Variants in TP73 observed in about 807,000 individuals in gnomAD.
TP73 encodes the protein p53-like transcription factor.
TP73 carries 25 observed loss-of-function variants against 62.5 expected under a neutral mutation model. The observed-to-expected ratio is 0.40, with a 90% CI of 0.29 to 0.56. The LOEUF is 0.56. Ranked by LOEUF, TP73 falls within the 20% of genes least tolerant of loss-of-function variation. The pLI, the probability that TP73 is intolerant of heterozygous loss-of-function variation, is 0.46. For missense variants in TP73, 754 were observed against 913.3 expected (o/e 0.83, Z 2.25); for synonymous variants, 423 against 377.5 (o/e 1.12, Z -1.40).
Position 3,733,609 on chromosome 1 carries a change from CG to C in TP73, c.*535del, listed in dbSNP as rs1355587214. The C allele has an allele frequency of 2.5e-5, 4 of 159,164 alleles. No individual in the cohort carries two copies. Among genetic ancestry groups the C allele is most frequent in the Non-Finnish European group, 5.6e-5 (4 of 70,896 alleles). The allele number at this position is 159,164 out of a possible 1,614,324, so 9.9% of individuals were successfully genotyped here. ...GTCCCTAACTGCGTCTTGCCCGCGC[CG>C]GGGGCTGGGGACTCTCTCTGCTGGA... On this transcript the variant is annotated 3_prime_UTR_variant, in exon 14 of 14. Coordinates refer to ENST00000378295, the MANE Select transcript of TP73 (RefSeq NM_005427.4).
In TP73 at chr1:3,696,798, G is replaced by T. The variant is rs1258674067; in HGVS notation, c.187-10751G>T. ...TGGGGCTCAAGCCATGTGGGGCCAG[G>T]GGAGGGACCAGTTGTCCTAACTGGA... On this transcript the variant is annotated intron_variant, in intron 3 of 13. Coordinates refer to ENST00000378295, the MANE Select transcript of TP73 (RefSeq NM_005427.4). This position sits in a 1 kb window ranked among gnomAD's most constrained non-coding sequence, Gnocchi z 4.1. Among the ~76,000 whole-genome samples the T allele has an allele frequency of 6.6e-6, 1 of 152,138 alleles. No homozygotes were observed. The highest frequency in any genetic ancestry group is 1.5e-5 in the Non-Finnish European group (1 of 68,016).
chr1:3,659,664 A>T (rs1484889824), intron 1 of TP73, among the ~76,000 whole-genome samples: 1 of 152,112 alleles, frequency 6.6e-6, no homozygotes, highest in Non-Finnish European at 1.5e-5. Context: ...ACTAAAAATA[A>T]TCTCAGTAAG....
chr1:3,727,586 G>A, intron 7 of TP73, 42 bp from the exon 8 acceptor site: 1 of 1,574,172 alleles, frequency 6.4e-7, no homozygotes. Flanking sequence ...GTTGAGGGTG[G>A]GCAGGGTTGA....
At position 3,704,130 on chromosome 1, in the gene TP73, G is replaced by A. The variant is rs139990394; in HGVS notation, c.187-3419G>A. On this transcript the variant is annotated intron_variant, in intron 3 of 13. Coordinates refer to ENST00000378295, the MANE Select transcript of TP73 (RefSeq NM_005427.4). ...TTCAGCGAGCCTTTCAAGCAGCCAC[G>A]CTGTAATAGGAGCACGGACTGAGGG... Among the ~76,000 whole-genome samples, 349 of 152,356 alleles carry A rather than the reference G, an allele frequency of 2.3e-3. 2 individuals are homozygous for A. Among genetic ancestry groups the A allele is most frequent in the Non-Finnish European group, 4.4e-3 (301 of 68,032 alleles).
intron 3 of TP73, among the ~76,000 whole-genome samples, chr1:3,686,730 A>G (rs1224160416): frequency 6.6e-6 from 1 of 152,196 alleles, no homozygotes; most frequent in East Asian, 1.9e-4. Context: ...GTGGCCCAGA[A>G]AGTCCAGCAG....
chr1:3,683,614 C>A (rs750957444), intron 3 of TP73, among the ~76,000 whole-genome samples: 1 of 152,218 alleles, frequency 6.6e-6, no homozygotes. Context: ...CTTTCCCCTG[C>A]AGTGACTTTG....
At chr1:3,710,063 T>A (rs1036731027) in intron 4 of TP73, among the ~76,000 whole-genome samples, 7 of 151,934 alleles carry the variant, frequency 4.6e-5, no homozygotes, top group African/African-American at 1.7e-4. Context: ...CCCTGTGGGA[T>A]GGGCTGGTCT....
chr1:3,693,504 G>A (rs114203426), intron 3 of TP73, among the ~76,000 whole-genome samples: 3,136 of 152,254 alleles, frequency 0.021, 112 homozygotes, highest in African/African-American at 0.072. Context: ...TGTCTCTCTG[G>A]CATCTGCCAG....
At chr1:3,658,091 G>A (rs1347555202) in intron 1 of TP73, among the ~76,000 whole-genome samples, 5 of 152,216 alleles carry the variant, frequency 3.3e-5, no homozygotes, top group Non-Finnish European at 1.5e-5. Context: ...AGTGAGGCCT[G>A]GAGAGACCAG....
intron 1 of TP73, among the ~76,000 whole-genome samples, chr1:3,653,888 T>C (rs775785283): frequency 3.9e-5 from 6 of 152,224 alleles, no homozygotes; most frequent in Non-Finnish European, 8.8e-5. Flanking sequence ...GATAAAAAGT[T>C]GGCTGGGCAC....
intron 3 of TP73, among the ~76,000 whole-genome samples, chr1:3,694,998 C>G (rs1638499743): frequency 6.6e-6 from 1 of 152,278 alleles, no homozygotes; most frequent in Admixed American, 6.5e-5. Flanking sequence ...GCAATCCCAG[C>G]CATGCTCTTC....
intron 4 of TP73, among the ~76,000 whole-genome samples, chr1:3,717,234 G>A (rs991353075): frequency 4.6e-5 from 7 of 152,162 alleles, no homozygotes; most frequent in Admixed American, 2.0e-4. Context: ...GCAGCCCCCC[G>A]CTGCACCCTC....
intron 3 of TP73, among the ~76,000 whole-genome samples, chr1:3,702,749 CAT>C (rs1376820601): frequency 1.3e-5 from 2 of 152,262 alleles, no homozygotes; most frequent in Non-Finnish European, 2.9e-5. Context: ...CCTGCACACA[CAT>C]GTAGGCACTT....
In TP73 at chr1:3,691,062, AGTTG is replaced by A. The variant is rs1645810481; in HGVS notation, c.186+7884_186+7887del. The A allele has an allele frequency of 4.2e-6, 6 of 1,420,532 alleles. No individual in the cohort carries two copies. The African/African-American group carries it at 8.5e-5, about 20-fold the overall frequency. 88.0% of individuals were successfully genotyped at this position (1,420,532 alleles called of 1,614,324 possible). A position where few individuals can be genotyped will look rare whatever the true frequency, so the allele number is the denominator to read the frequency against. On this transcript the variant is annotated intron_variant, in intron 3 of 13. Transcript: ENST00000378295. ...CCTTCCTGGCCTGGAGTCTGCTGCC[AGTTG>A]GGGTGAGCAGAGGTAGGAAGGGAGG...
At chr1:3,677,690 CTT>C (rs1196146698) in intron 1 of TP73, among the ~76,000 whole-genome samples, 19 of 137,296 alleles carry the variant, frequency 1.4e-4, no homozygotes, top group African/African-American at 3.2e-4. Flanking sequence ...CCTTCCTTCC[CTT>C]TTTTTTTTTT....
rs1045020547 is a variant in TP73 at position 3,699,406 on chromosome 1, G to A, written c.187-8143G>A. 3.3e-5 allele frequency among the ~76,000 whole-genome samples: 5 copies of A among 152,148 alleles called. No individual in the cohort carries two copies. The highest frequency in any genetic ancestry group is 3.2e-3 in the Middle Eastern group (1 of 316). On this transcript the variant is annotated intron_variant, in intron 3 of 13. Coordinates refer to ENST00000378295, the MANE Select transcript of TP73 (RefSeq NM_005427.4). This position sits in a 1 kb window ranked among gnomAD's most constrained non-coding sequence, Gnocchi z 4.1. The stretch of plus-strand genomic sequence containing the variant: ...CAGTCTGGTCTCAATATTCTCCAGG[G>A]AACGAGGACACGGACCTCCTTGTTC...
rs572201332 is a variant in TP73 at position 3,726,853 on chromosome 1, G to C, written c.733-262G>C. Among the ~76,000 whole-genome samples, 1,016 of 148,388 alleles carry C rather than the reference G, an allele frequency of 6.8e-3. 9 individuals are homozygous for C. Among genetic ancestry groups the C allele is most frequent in the African/African-American group, 0.024 (962 of 40,114 alleles). ...GATAGATGGGTGGGTGGATGGATGGGGTTGGTGGATGGATGGATGGATGGA... is the reference window on the plus strand; with the variant it reads ...GATAGATGGGTGGGTGGATGGATGGCGTTGGTGGATGGATGGATGGATGGA... On this transcript the variant is annotated intron_variant, in intron 6 of 13. Coordinates refer to ENST00000378295, the MANE Select transcript of TP73 (RefSeq NM_005427.4).
At chr1:3,693,669 C>T (rs1043540939) in intron 3 of TP73, among the ~76,000 whole-genome samples, 25 of 151,724 alleles carry the variant, frequency 1.6e-4, no homozygotes, top group Admixed American at 1.5e-3. Flanking sequence ...GGAGAGCTGC[C>T]GCCTCAGCCC....
At chr1:3,691,762 G>C (rs1645838602) in intron 3 of TP73, among the ~76,000 whole-genome samples, 1 of 152,226 alleles carries the variant, frequency 6.6e-6, no homozygotes, top group Non-Finnish European at 1.5e-5. Context: ...ATGGGTACCT[G>C]TGCCACACGG....
Sources: allele counts gnomAD v4.1 joint callset (sites outside exome capture counted in the v4.1 genomes callset), GRCh38; gene constraint gnomAD v4.1.1; non-coding constraint Gnocchi (gnomAD v3.1); transcripts MANE v1.5; gene names NCBI Gene and HGNC (gene_info 2026-07-23, HGNC 2026-07-21).